Variants in GAREM1 observed in about 807,000 individuals in gnomAD.
The protein encoded by GAREM1 is GRB2 associated regulator of MAPK1 subtype 1, also known as GRB2-associated and regulator of MAPK protein 1.
GAREM1 carries 26 observed loss-of-function variants against 71.3 expected under a neutral mutation model. That is an observed-to-expected ratio of 0.36 (90% confidence interval 0.27 to 0.51). GAREM1 has a LOEUF of 0.51. Ranked by LOEUF, GAREM1 falls within the 20% of genes least tolerant of loss-of-function variation. GAREM1 has a pLI of 0.95. For missense variants in GAREM1, 1,026 were observed against 1,103.1 expected (o/e 0.93, Z 0.99); for synonymous variants, 440 against 433.2 (o/e 1.02, Z -0.20).
intron 1 of GAREM1, among the ~76,000 whole-genome samples, chr18:32,394,966 A>G (rs1267163029): frequency 6.6e-6 from 1 of 152,226 alleles, no homozygotes; most frequent in Non-Finnish European, 1.5e-5. Flanking sequence ...CACCAGTTCT[A>G]GCAGGTATTA....
At chr18:32,306,013 C>G (rs2047252270) in intron 3 of GAREM1, among the ~76,000 whole-genome samples, 1 of 152,198 alleles carries the variant, frequency 6.6e-6, no homozygotes, top group Non-Finnish European at 1.5e-5. Flanking sequence ...TGAGTAATCT[C>G]ACTTGAAACT....
chr18:32,309,651 GAACA>G (rs1478419620), intron 3 of GAREM1, among the ~76,000 whole-genome samples: 1 of 120,338 alleles, frequency 8.3e-6, no homozygotes, highest in African/African-American at 3.1e-5. Context: ...AAAGAATGCA[GAACA>G]AATAGAGCAC....
intron 4 of GAREM1, among the ~76,000 whole-genome samples, chr18:32,279,224 G>T (rs994537305): frequency 6.6e-6 from 1 of 152,162 alleles, no homozygotes; most frequent in Admixed American, 6.6e-5. Flanking sequence ...TTATCCAATA[G>T]AACAGGGTCC....
At chr18:32,397,797 C>T (rs1195106290) in intron 1 of GAREM1, among the ~76,000 whole-genome samples, 3 of 152,146 alleles carry the variant, frequency 2.0e-5, no homozygotes, top group African/African-American at 7.2e-5. Flanking sequence ...TTGAACTCAG[C>T]TCTGCACCAA....
chr18:32,428,936 T>G (rs1294788770), intron 1 of GAREM1, among the ~76,000 whole-genome samples: 2 of 152,062 alleles, frequency 1.3e-5, no homozygotes, highest in Admixed American at 1.3e-4. Context: ...AGTTCAAGTT[T>G]TTTTTTTTGT....
At chr18:32,427,426 A>G (rs2048586045) in intron 1 of GAREM1, among the ~76,000 whole-genome samples, 1 of 152,200 alleles carries the variant, frequency 6.6e-6, no homozygotes. Flanking sequence ...AGAGCTGGAG[A>G]GAGAACCAGG....
chr18:32,276,699 A>C (rs145866084), intron 4 of GAREM1, among the ~76,000 whole-genome samples: 3 of 152,342 alleles, frequency 2.0e-5, no homozygotes, highest in Admixed American at 1.3e-4. Flanking sequence ...TGATGAAACA[A>C]AACACTGGTA....
chr18:32,361,150 C>G (rs1347290336), intron 2 of GAREM1, among the ~76,000 whole-genome samples: 1 of 152,192 alleles, frequency 6.6e-6, no homozygotes. Context: ...ACATCACTGT[C>G]GTTGCCTACA....
chr18:32,406,909 A>T (rs990447879), intron 1 of GAREM1, among the ~76,000 whole-genome samples: 1 of 152,204 alleles, frequency 6.6e-6, no homozygotes, highest in Non-Finnish European at 1.5e-5. Flanking sequence ...AAGTCACCTG[A>T]TGATAAAAGC....
chr18:32,310,372 G>T, intron 2 of GAREM1, 49 bp from the exon 3 acceptor site: 1 of 1,589,044 alleles, frequency 6.3e-7, no homozygotes, highest in Non-Finnish European at 8.6e-7. Flanking sequence ...ATGCTGGACT[G>T]CTGTTACCAT....
At chr18:32,269,774 T>C (rs187708292) in intron 5 of GAREM1, among the ~76,000 whole-genome samples, 1 of 152,156 alleles carries the variant, frequency 6.6e-6, no homozygotes. Context: ...CACTCAACAG[T>C]GATGGTCAAA....
intron 2 of GAREM1, among the ~76,000 whole-genome samples, chr18:32,355,614 A>C (rs904918208): frequency 1.3e-5 from 2 of 152,208 alleles, no homozygotes; most frequent in Non-Finnish European, 2.9e-5. Context: ...ATGACAATTA[A>C]AAATTACCAA....
rs76438518 is a variant in GAREM1, at chr18:32,406,422, C to T, written c.122-13387G>A. Among the ~76,000 whole-genome samples the T allele has an allele frequency of 6.8e-3, 1,032 of 152,218 alleles. 9 individuals carry two copies. The highest frequency in any genetic ancestry group is 0.024 in the African/African-American group (991 of 41,524). ...TGTTTATTGTGAGAATACAACATGA[C>T]ATTCTGGTAGTATTTCTCTGTCCCG... On this transcript the variant is annotated intron_variant, in intron 1 of 5. Coordinates refer to ENST00000269209, the MANE Select transcript of GAREM1 (RefSeq NM_001242409.2).
chr18:32,279,300 G>A (rs961428145), intron 4 of GAREM1, among the ~76,000 whole-genome samples: 1 of 152,160 alleles, frequency 6.6e-6, no homozygotes, highest in African/African-American at 2.4e-5. Context: ...CACAGCAGGA[G>A]GCGAGCAGCT....
intron 3 of GAREM1, among the ~76,000 whole-genome samples, chr18:32,300,906 CA>C (rs764891353): frequency 3.4e-3 from 280 of 83,340 alleles, no homozygotes; most frequent in African/African-American, 7.8e-3. Flanking sequence ...AACTCCGTCT[CA>C]AAAAAAAAAA....
chr18:32,449,075 G>T (rs1318699051), intron 1 of GAREM1, among the ~76,000 whole-genome samples: 1 of 152,178 alleles, frequency 6.6e-6, no homozygotes, highest in Non-Finnish European at 1.5e-5. Context: ...TAAAGCACAA[G>T]ATCTAGAACT....
chr18:32,311,164 T>TGA (rs1175185438), intron 2 of GAREM1, among the ~76,000 whole-genome samples: 3 of 152,244 alleles, frequency 2.0e-5, no homozygotes, highest in African/African-American at 7.2e-5. Flanking sequence ...CTACAACATT[T>TGA]GAGAAGAACT....
chr18:32,361,289 A>G (rs1567979154), intron 2 of GAREM1, among the ~76,000 whole-genome samples: 1 of 152,084 alleles, frequency 6.6e-6, no homozygotes, highest in Non-Finnish European at 1.5e-5. Flanking sequence ...TTCCTCATTC[A>G]CTTTTTGTTG....
At chr18:32,322,048 C>G (rs980198422) in intron 2 of GAREM1, among the ~76,000 whole-genome samples, 1 of 152,152 alleles carries the variant, frequency 6.6e-6, no homozygotes. Flanking sequence ...GCTATGGAAA[C>G]AAAGATTTCT....
Sources: allele counts gnomAD v4.1 joint callset (sites outside exome capture counted in the v4.1 genomes callset), GRCh38; gene constraint gnomAD v4.1.1; transcripts MANE v1.5; gene names NCBI Gene and HGNC (gene_info 2026-07-23, HGNC 2026-07-21).